The following FTO variants were observed in gnomAD, a reference collection of about 807,000 sequenced individuals.
FTO encodes the protein FTO alpha-ketoglutarate dependent dioxygenase, also known as alpha-ketoglutarate-dependent dioxygenase FTO.
Under a neutral mutation model 63.9 loss-of-function variants are expected in FTO, and 47 were observed. That is an observed-to-expected ratio of 0.74 (90% CI 0.58 to 0.94). The LOEUF is 0.94. Among genes scored for constraint, FTO ranks in the 40% least tolerant of loss-of-function variants. The pLI, the probability that FTO is intolerant of heterozygous loss-of-function variation, is 0.00. For missense variants in FTO, 562 were observed against 618.1 expected (o/e 0.91, Z 0.96); for synonymous variants, 207 against 224.4 (o/e 0.92, Z 0.69).
At chr16:54,072,728 C>T (rs1183960621) in intron 8 of FTO, among the ~76,000 whole-genome samples, 27 of 152,170 alleles carry the variant, frequency 1.8e-4, no homozygotes, top group African/African-American at 6.5e-4. Context: ...CCCATCCTCA[C>T]ACTGTCCCCC....
At chr16:53,705,129 T>A (rs1300213292) in intron 1 of FTO, among the ~76,000 whole-genome samples, 1 of 152,062 alleles carries the variant, frequency 6.6e-6, no homozygotes, top group Non-Finnish European at 1.5e-5. Flanking sequence ...CTAACTTAAC[T>A]CTTCTTCCAC....
intron 1 of FTO, among the ~76,000 whole-genome samples, chr16:53,747,925 C>T (rs940636138): frequency 6.6e-6 from 1 of 152,090 alleles, no homozygotes; most frequent in Non-Finnish European, 1.5e-5. Context: ...AGTGACTGTC[C>T]TTTCCCCAAA....
intron 8 of FTO, among the ~76,000 whole-genome samples, chr16:54,025,224 T>C (rs757006519): frequency 5.3e-5 from 8 of 152,116 alleles, no homozygotes; most frequent in Non-Finnish European, 1.0e-4. Context: ...CCAGACGAAA[T>C]TGGAGCACTG....
At chr16:53,922,239 A>G (rs1397075068) in intron 7 of FTO, among the ~76,000 whole-genome samples, 2 of 151,564 alleles carry the variant, frequency 1.3e-5, no homozygotes, top group Non-Finnish European at 2.9e-5. Flanking sequence ...GTTTCATGCT[A>G]TTGTTTATTA....
chr16:53,915,693 A>G (rs2081847185), intron 7 of FTO, among the ~76,000 whole-genome samples: 3 of 152,108 alleles, frequency 2.0e-5, no homozygotes, highest in Admixed American at 2.0e-4. Context: ...CATTTTTCTA[A>G]TCCTTTCAGA....
At chr16:53,888,732 G>A (rs997836695) in intron 6 of FTO, 100 bp from the exon 7 acceptor site, 1 of 1,264,740 alleles carries the variant, frequency 7.9e-7, no homozygotes, top group Non-Finnish European at 1.2e-6. Context: ...TCATCCTATG[G>A]CCATCAAGTT....
chr16:53,973,350 T>C (rs2143751096), intron 8 of FTO, among the ~76,000 whole-genome samples: 1 of 152,304 alleles, frequency 6.6e-6, no homozygotes, highest in Admixed American at 6.5e-5. Flanking sequence ...ACAGTTAGAC[T>C]CCCAGATAAG....
At chr16:53,925,396 A>G (rs1327892783) in intron 7 of FTO, among the ~76,000 whole-genome samples, 1 of 152,056 alleles carries the variant, frequency 6.6e-6, no homozygotes, top group African/African-American at 2.4e-5. Flanking sequence ...GTAGATGGGG[A>G]GGTCAGAAAG....
intron 1 of FTO, among the ~76,000 whole-genome samples, chr16:53,807,068 T>G (rs1458103006): frequency 6.6e-6 from 1 of 152,256 alleles, no homozygotes; most frequent in Admixed American, 6.5e-5. Flanking sequence ...TGATATCTGA[T>G]TGATTTCACC....
At chr16:53,801,030 T>G (rs1178258297) in intron 1 of FTO, among the ~76,000 whole-genome samples, 1 of 152,132 alleles carries the variant, frequency 6.6e-6, no homozygotes. Flanking sequence ...GGTTGCATAC[T>G]GCTTTTAAAA....
At chr16:54,076,391 G>A (rs1196201576) in intron 8 of FTO, among the ~76,000 whole-genome samples, 3 of 152,026 alleles carry the variant, frequency 2.0e-5, no homozygotes, top group Admixed American at 6.6e-5. Flanking sequence ...CAGCACCCTA[G>A]AAACATATAA....
At chr16:53,765,292 C>T (rs1426765986) in intron 1 of FTO, among the ~76,000 whole-genome samples, 1 of 151,886 alleles carries the variant, frequency 6.6e-6, no homozygotes, top group African/African-American at 2.4e-5. Flanking sequence ...CATGGTGGCT[C>T]ATGCCTGTAA....
At chr16:53,704,262 G>C (rs527464198) in intron 1 of FTO, 33 bp downstream of exon 1, 4 of 1,549,318 alleles carry the variant, frequency 2.6e-6, no homozygotes, top group East Asian at 4.9e-5. Flanking sequence ...GGAGATCTTC[G>C]TGCGCTGTGA....
chr16:54,095,341 T>C (rs2086492832), intron 8 of FTO, among the ~76,000 whole-genome samples: 1 of 152,086 alleles, frequency 6.6e-6, no homozygotes, highest in African/African-American at 2.4e-5. Flanking sequence ...CGCCCAGCCC[T>C]AATGCCTAAC....
chr16:54,075,397 C>A (rs1221313573), intron 8 of FTO, among the ~76,000 whole-genome samples: 3 of 152,120 alleles, frequency 2.0e-5, no homozygotes, highest in Non-Finnish European at 4.4e-5. Flanking sequence ...CAGGACGCTA[C>A]CAGCATTTTA....
chr16:53,859,474 A>T (rs1281144801), intron 4 of FTO, among the ~76,000 whole-genome samples: 1 of 149,750 alleles, frequency 6.7e-6, no homozygotes, highest in East Asian at 1.9e-4. Flanking sequence ...TATCATATCA[A>T]TGATATATAT....
At chr16:53,725,847 G>A (rs2076140312) in intron 1 of FTO, among the ~76,000 whole-genome samples, 2 of 152,178 alleles carry the variant, frequency 1.3e-5, no homozygotes, top group Non-Finnish European at 1.5e-5. Context: ...GGCTGTGTCT[G>A]ATGAGGGCCA....
intron 5 of FTO, among the ~76,000 whole-genome samples, chr16:53,875,987 C>T (rs1307021564): frequency 9.9e-5 from 15 of 152,052 alleles, no homozygotes. Flanking sequence ...ATGCTCCCGG[C>T]CTAGATTTTA....
Position 53,732,387 on chromosome 16 carries a change from C to A in FTO, c.45+28158C>A, listed in dbSNP as rs141574928. Among the ~76,000 whole-genome samples, 47 of 152,210 alleles carry A rather than the reference C, an allele frequency of 3.1e-4. No individual in the cohort carries two copies. The East Asian group carries it at 8.9e-3, about 29-fold the overall frequency. The stretch of plus-strand genomic sequence containing the variant: ...TCTTAAAGGAACCATGTTGCTAACC[C>A]GAATGAGAGAGGAGTAACCTCCTGA... On this transcript the variant is annotated intron_variant, in intron 1 of 8. Transcript: ENST00000471389.
Sources: allele counts gnomAD v4.1 joint callset (sites outside exome capture counted in the v4.1 genomes callset), GRCh38; gene constraint gnomAD v4.1.1; transcripts MANE v1.5; gene names NCBI Gene and HGNC (gene_info 2026-07-23, HGNC 2026-07-21).